Variants in SLIT2 observed in about 807,000 individuals in gnomAD.
SLIT2 encodes slit guidance ligand 2.
In SLIT2, 41 loss-of-function variants were observed where a neutral mutation model predicts 185.7. That is an observed-to-expected ratio of 0.22 (90% CI 0.17 to 0.29). The LOEUF (loss-of-function observed/expected upper bound fraction) is 0.29. SLIT2 is among the 10% of genes least tolerant of loss of function. The pLI is 1.00. For missense variants in SLIT2, 1,571 were observed against 1,909.0 expected, an observed-to-expected ratio of 0.82 and a Z score of 3.30; for synonymous variants, 693 against 680.2, an observed-to-expected ratio of 1.02 and a Z score of -0.29.
chr4:20,496,273 A>G (rs1448639816), intron 9 of SLIT2, among the ~76,000 whole-genome samples: 1 of 146,184 alleles, frequency 6.8e-6, no homozygotes, highest in Non-Finnish European at 1.5e-5. Flanking sequence ...GGTAACTTCA[A>G]TTATTTGTTA....
At chr4:20,562,135 A>G (rs931946364) in intron 26 of SLIT2, among the ~76,000 whole-genome samples, 1 of 151,812 alleles carries the variant, frequency 6.6e-6, no homozygotes, top group African/African-American at 2.4e-5. Context: ...AACCTCTGTC[A>G]TCTGGAGATC....
rs200091536 is a variant in SLIT2, at chr4:20,538,415, G to T, written c.1833-1026G>T. On this transcript the variant is annotated intron_variant, in intron 18 of 36. Transcript: ENST00000504154. ...ATAAAACGATCCCTTCATAAGGAGA[G>T]CATCATCTTATCTGTGACTTCGCAG... is the stretch of plus-strand genomic sequence containing the variant. 8.9e-5 allele frequency among the ~76,000 whole-genome samples: 3 copies of T among 33,880 alleles called. No individual in the cohort carries two copies. In the African/African-American group the frequency reaches 9.5e-4, roughly 11 times the overall value. 22.2% of individuals were successfully genotyped at this position (33,880 alleles called of 152,430 possible).
At position 20,569,009 on chromosome 4, in the gene SLIT2, A is replaced by C. The variant is rs776514333; in HGVS notation, c.3088+5A>C. 1 of 1,609,810 alleles carries C rather than the reference A, an allele frequency of 6.2e-7. No homozygotes were observed. Among genetic ancestry groups the C allele is most frequent in the African/African-American group, 1.3e-5 (1 of 74,842 alleles). On this transcript the variant is annotated splice_donor_5th_base_variant and intron_variant, in intron 29 of 36. Transcript: ENST00000504154. ...TTTGCCCACCTGAGTATACAGGTACAAATAATAGGAAATATTTTGCCTTCC... is the reference window on the plus strand; with the variant it reads ...TTTGCCCACCTGAGTATACAGGTACCAATAATAGGAAATATTTTGCCTTCC...
chr4:20,569,030 C>T, intron 29 of SLIT2, 26 bp downstream of exon 29: 3 of 1,602,084 alleles, frequency 1.9e-6, no homozygotes, highest in Non-Finnish European at 2.6e-6. Flanking sequence ...AATATTTTGC[C>T]TTCCATCAGT....
intron 33 of SLIT2, among the ~76,000 whole-genome samples, chr4:20,608,637 C>T (rs566757784): frequency 3.3e-5 from 5 of 152,230 alleles, no homozygotes; most frequent in Middle Eastern, 3.4e-3. Flanking sequence ...AGTGTTTTCA[C>T]AATTCTGCAG....
intron 4 of SLIT2, among the ~76,000 whole-genome samples, chr4:20,383,505 T>C (rs1049694769): frequency 6.6e-6 from 1 of 152,100 alleles, no homozygotes; most frequent in Non-Finnish European, 1.5e-5. Context: ...AAGTTACAAA[T>C]GCAATGATAT....
At chr4:20,365,779 G>A (rs942157015) in intron 4 of SLIT2, among the ~76,000 whole-genome samples, 3 of 152,110 alleles carry the variant, frequency 2.0e-5, no homozygotes, top group Admixed American at 6.5e-5. Context: ...TATCCTTTAT[G>A]TGTGTTCATC....
At chr4:20,298,152 A>T (rs961895221) in intron 4 of SLIT2, among the ~76,000 whole-genome samples, 3 of 150,558 alleles carry the variant, frequency 2.0e-5, no homozygotes, top group African/African-American at 7.3e-5. Context: ...GCAATGGCGT[A>T]ATCTCGGCTC....
chr4:20,549,194 A>C (rs1428830380), intron 24 of SLIT2, 66 bp downstream of exon 24: 1 of 915,552 alleles, frequency 1.1e-6, no homozygotes, highest in African/African-American at 1.6e-5. Context: ...TTGTCTTTTT[A>C]AGGATGTAAC....
intron 4 of SLIT2, among the ~76,000 whole-genome samples, chr4:20,466,263 G>T (rs1714341137): frequency 6.6e-6 from 1 of 152,034 alleles, no homozygotes; most frequent in South Asian, 2.1e-4. Context: ...GCAAAGGAAG[G>T]AAGTCAGTCT....
chr4:20,524,773 A>T (rs1312498441), intron 14 of SLIT2, among the ~76,000 whole-genome samples: 1 of 148,288 alleles, frequency 6.7e-6, no homozygotes, highest in African/African-American at 2.4e-5. Flanking sequence ...CTAAATATGA[A>T]TGCATTGTAT....
At chr4:20,610,255 C>T in intron 34 of SLIT2, 88 bp downstream of exon 34, 1 of 1,157,570 alleles carries the variant, frequency 8.6e-7, no homozygotes, top group South Asian at 1.6e-5. Context: ...CCTAATATAT[C>T]AGGATTTGTC....
intron 32 of SLIT2, among the ~76,000 whole-genome samples, chr4:20,596,948 G>A (rs1412029562): frequency 6.6e-6 from 1 of 151,952 alleles, no homozygotes; most frequent in Non-Finnish European, 1.5e-5. Context: ...TTGCTTTTAT[G>A]GCTCTGCAGT....
intron 4 of SLIT2, among the ~76,000 whole-genome samples, chr4:20,278,523 T>G (rs995763976): frequency 6.6e-6 from 1 of 152,112 alleles, no homozygotes; most frequent in Non-Finnish European, 1.5e-5. Context: ...GCGACTTTTC[T>G]ACCCAGCCTC....
chr4:20,620,014 A>G lies in SLIT2; in HGVS notation c.*1005A>G, dbSNP rs1409123072. The G allele has an allele frequency of 5.0e-5, 8 of 158,978 alleles. No individual in the cohort carries two copies. The highest frequency in any genetic ancestry group is 1.8e-4 in the East Asian group (1 of 5,454). The allele number at this position is 158,978 out of a possible 1,614,324, so 9.8% of individuals were successfully genotyped here. On this transcript the variant is annotated 3_prime_UTR_variant, in exon 37 of 37. Transcript: ENST00000504154. ...CCTTGACATCTGATCACTGATGTCA[A>G]TGACCTACTGGCCTCATTCAGGACA...
At chr4:20,316,052 T>G (rs1472547898) in intron 4 of SLIT2, among the ~76,000 whole-genome samples, 7 of 152,014 alleles carry the variant, frequency 4.6e-5, no homozygotes, top group African/African-American at 1.4e-4. Flanking sequence ...CCCTCTGGCC[T>G]CCTCCCAGAT....
intron 4 of SLIT2, among the ~76,000 whole-genome samples, chr4:20,339,102 A>G (rs1026949959): frequency 2.2e-4 from 34 of 151,586 alleles, no homozygotes; most frequent in Non-Finnish European, 4.7e-4. Flanking sequence ...AAAAAAAAAA[A>G]AAAAAAAAAA....
Position 20,617,803 on chromosome 4 carries a change from C to T in SLIT2, c.4348+153C>T, listed in dbSNP as rs2305878. On this transcript the variant is annotated intron_variant, in intron 36 of 36. Coordinates refer to ENST00000504154, the MANE Select transcript of SLIT2 (RefSeq NM_004787.4). ...GTGACAGGAGAGAATACTAGGTCTT[C>T]TCACTACTTGCAGTTGCTGCTATTG... Among the ~76,000 whole-genome samples the T allele has an allele frequency of 7.3e-5, 11 of 151,076 alleles. No individual in the cohort carries two copies. In the East Asian group the frequency reaches 2.1e-3, roughly 29 times the overall value.
At chr4:20,310,126 C>T (rs1318507249) in intron 4 of SLIT2, among the ~76,000 whole-genome samples, 1 of 151,994 alleles carries the variant, frequency 6.6e-6, no homozygotes, top group African/African-American at 2.4e-5. Flanking sequence ...AATTTACCAC[C>T]ATCTCCTTCT....
Sources: gnomAD v4.1 joint callset for allele counts (sites outside exome capture counted in the v4.1 genomes callset) on GRCh38, gnomAD v4.1.1 for gene constraint, MANE v1.5 for transcripts, NCBI Gene and HGNC (gene_info 2026-07-23, HGNC 2026-07-21) for gene names.